TEX14: variants seen among roughly 807,000 people sequenced by gnomAD.
TEX14 encodes testis expressed 14, intercellular bridge forming factor, also known as inactive serine/threonine-protein kinase TEX14.
In TEX14, 168 loss-of-function variants were observed where a neutral mutation model predicts 178.6. The observed-to-expected ratio is 0.94, with a 90% CI of 0.83 to 1.07. TEX14 has a LOEUF of 1.07. TEX14 is among the 50% of genes least tolerant of loss of function. The pLI, the probability that TEX14 is intolerant of heterozygous loss-of-function variation, is 0.00. For synonymous variants in TEX14, 626 were observed against 634.1 expected (o/e 0.99, Z 0.19); for missense variants, 1,730 against 1,753.6 (o/e 0.99, Z 0.24).
At chr17:58,631,714 A>C (rs150239325) in intron 2 of TEX14, 2 of 150,370 alleles carry the variant, frequency 1.3e-5, no homozygotes, top group East Asian at 1.9e-4. Flanking sequence ...GCAACACCAA[A>C]CACTGCTATC....
At chr17:58,663,956 T>G (rs2047163288) in intron 1 of TEX14, among the ~76,000 whole-genome samples, 1 of 152,134 alleles carries the variant, frequency 6.6e-6, no homozygotes, top group African/African-American at 2.4e-5. Context: ...GGTGCTGATA[T>G]CACCTGAGTT....
intron 1 of TEX14, among the ~76,000 whole-genome samples, chr17:58,666,306 C>T (rs2047203992): frequency 6.6e-6 from 1 of 151,872 alleles, no homozygotes; most frequent in Admixed American, 6.6e-5. Flanking sequence ...CGAGATTGCT[C>T]CACTGCACTC....
Position 58,599,320 on chromosome 17 carries a change from G to A in TEX14, c.2025C>T (p.Gly675=). ...DKMEREACCF[G]SEDESSSKAE... ...CTTTTGAAGAGCTCTCATCCTCACT[G>A]CCAAAACAACACGCCTCTCTCTCCA... Residue 675 remains glycine (G), a synonymous_variant, in exon 14 of 32, where the codon GGC becomes GGT. Transcript: ENST00000349033. The A allele has an allele frequency of 6.2e-7, 1 of 1,613,586 alleles. No individual in the cohort carries two copies. The highest frequency in any genetic ancestry group is 8.5e-7 in the Non-Finnish European group (1 of 1,180,022).
At chr17:58,583,262 T>TA (rs1268792902) in intron 19 of TEX14, among the ~76,000 whole-genome samples, 11 of 152,020 alleles carry the variant, frequency 7.2e-5, no homozygotes, top group Non-Finnish European at 1.2e-4. Context: ...GCCTCCCAAG[T>TA]AGCTGGGACT....
At chr17:58,672,984 G>A (rs1394938604) in intron 1 of TEX14, among the ~76,000 whole-genome samples, 1 of 151,752 alleles carries the variant, frequency 6.6e-6, no homozygotes, top group Non-Finnish European at 1.5e-5. Flanking sequence ...TGCTAGCCTC[G>A]AACTCCCAAA....
chr17:58,617,707 A>T, intron 5 of TEX14, 88 bp from the exon 6 acceptor site: 1 of 919,714 alleles, frequency 1.1e-6, no homozygotes, highest in South Asian at 1.6e-5. Context: ...CAGAAGGTGT[A>T]GTTGACTTTG....
intron 5 of TEX14, among the ~76,000 whole-genome samples, chr17:58,618,894 T>TA (rs1299458516): frequency 6.6e-6 from 1 of 152,230 alleles, no homozygotes; most frequent in Non-Finnish European, 1.5e-5. Flanking sequence ...CCATTATTGA[T>TA]AGTTTCCCTT....
Position 58,570,476 on chromosome 17 carries a change from C to T in TEX14, c.3726G>A (p.Leu1242=), listed in dbSNP as rs746497653. ...PPSRLTGLKR[L]SSFIGAGSPS... is the part of the protein sequence containing the mutation. ...GGGATCCAGCCCCAATAAATGAAGA[C>T]AATCTTTTCTATAAGGAAGAGATAA... The change falls in exon 25 of 32, where the codon TTG becomes TTA. Residue 1242 remains leucine (L), a synonymous_variant. Coordinates refer to ENST00000349033, the MANE Select transcript of TEX14 (RefSeq NM_031272.5). The T allele has an allele frequency of 1.8e-5, 28 of 1,525,000 alleles. No homozygotes were observed. In the East Asian group the frequency reaches 5.6e-4, roughly 30 times the overall value. The allele number at this position is 1,525,000 out of a possible 1,614,324, so 94.5% of individuals were successfully genotyped here.
At chr17:58,560,182 T>C (rs2044245849) in intron 29 of TEX14, among the ~76,000 whole-genome samples, 1 of 152,196 alleles carries the variant, frequency 6.6e-6, no homozygotes, top group Non-Finnish European at 1.5e-5. Context: ...TTGGACATTG[T>C]CAGTGCTCGG....
At chr17:58,630,383 A>G in intron 3 of TEX14, 57 bp downstream of exon 3, 3 of 1,333,476 alleles carry the variant, frequency 2.2e-6, no homozygotes, top group Non-Finnish European at 3.2e-6. Flanking sequence ...GTTTCTAAAC[A>G]AACTCATCTT....
At chr17:58,666,177 T>C (rs1169581597) in intron 1 of TEX14, among the ~76,000 whole-genome samples, 1 of 151,958 alleles carries the variant, frequency 6.6e-6, no homozygotes, top group Non-Finnish European at 1.5e-5. Context: ...ACGCCATCTC[T>C]ACTAAAAATG....
intron 24 of TEX14, 141 bp downstream of exon 24, chr17:58,571,780 G>A: frequency 1.5e-6 from 1 of 676,868 alleles, no homozygotes; most frequent in Non-Finnish European, 2.5e-6. Flanking sequence ...ATAGACTCAA[G>A]AGAGGAGTCC....
At chr17:58,622,805 CT>C in intron 4 of TEX14, 41 bp downstream of exon 4, 1 of 1,563,010 alleles carries the variant, frequency 6.4e-7, no homozygotes, top group East Asian at 2.3e-5. Flanking sequence ...CAGCCCAGTA[CT>C]CTTCTAGTGG....
At chr17:58,613,605 G>A in intron 8 of TEX14, 61 bp from the exon 9 acceptor site, 1 of 1,562,080 alleles carries the variant, frequency 6.4e-7, no homozygotes, top group Admixed American at 1.8e-5. Flanking sequence ...GAAAAAATGA[G>A]CGTAGGCCTT....
intron 15 of TEX14, among the ~76,000 whole-genome samples, chr17:58,593,033 T>C (rs1392369680): frequency 2.6e-5 from 4 of 152,108 alleles, no homozygotes; most frequent in Admixed American, 6.6e-5. Flanking sequence ...GAATATATTA[T>C]ATATACATAT....
At chr17:58,634,500 G>T (rs895749803) in intron 2 of TEX14, among the ~76,000 whole-genome samples, 1 of 152,180 alleles carries the variant, frequency 6.6e-6, no homozygotes, top group East Asian at 1.9e-4. Flanking sequence ...ACTGCTCAGG[G>T]CTTGCTGTGT....
chr17:58,595,066 G>A (rs1456156923), intron 14 of TEX14, among the ~76,000 whole-genome samples: 1 of 152,104 alleles, frequency 6.6e-6, no homozygotes, highest in African/African-American at 2.4e-5. Context: ...ATATCATGAT[G>A]CTTCACCATA....
intron 30 of TEX14, among the ~76,000 whole-genome samples, chr17:58,558,142 G>A (rs1229770646): frequency 3.3e-5 from 5 of 152,164 alleles, no homozygotes; most frequent in African/African-American, 1.2e-4. Flanking sequence ...TACACGTTCT[G>A]GGCCCTGTGC....
At chr17:58,599,770 A>AT (rs2045383718) in intron 13 of TEX14, 104 bp from the exon 14 acceptor site, 2 of 954,604 alleles carry the variant, frequency 2.1e-6, no homozygotes, top group African/African-American at 3.3e-5. Context: ...AAAAAAAAAA[A>AT]AGTTTTTTAT....
Sources: gnomAD v4.1 joint callset for allele counts (sites outside exome capture counted in the v4.1 genomes callset) on GRCh38, gnomAD v4.1.1 for gene constraint, MANE v1.5 for transcripts, NCBI Gene and HGNC (gene_info 2026-07-23, HGNC 2026-07-21) for gene names.